KHDRBS2: variants seen among roughly 807,000 people sequenced by gnomAD.
KHDRBS2 encodes the protein KH RNA binding domain containing, signal transduction associated 2.
A neutral mutation model predicts 44.3 loss-of-function variants in KHDRBS2; 26 were observed. That is an observed-to-expected ratio of 0.59 (90% CI 0.43 to 0.81). The LOEUF is 0.81. Ranked by LOEUF, KHDRBS2 falls within the 40% of genes least tolerant of loss-of-function variation. KHDRBS2 has a pLI of 0.00. For synonymous variants in KHDRBS2, 194 were observed against 151.1 expected (o/e 1.28, Z -2.08); for missense variants, 476 against 433.1 (o/e 1.10, Z -0.88).
chr6:61,884,588 G>T (rs1480760802), intron 6 of KHDRBS2, among the ~76,000 whole-genome samples: 1 of 151,968 alleles, frequency 6.6e-6, no homozygotes. Flanking sequence ...TACATAAGCA[G>T]ATTTTTATGT....
the KHDRBS2 span, among the ~76,000 whole-genome samples, chr6:61,670,331 G>A: frequency 3.3e-5 from 5 of 151,388 alleles, no homozygotes; most frequent in East Asian, 9.8e-4. Context: ...AGGTTATCAG[G>A]TGATAAAAGG....
chr6:61,690,424 C>A (rs898270478), intron 8 of KHDRBS2, among the ~76,000 whole-genome samples: 1 of 151,936 alleles, frequency 6.6e-6, no homozygotes, highest in Non-Finnish European at 1.5e-5. Flanking sequence ...GTGCCATTAA[C>A]TCAGCAGAAA....
chr6:62,093,044 T>A (rs1483127860), intron 2 of KHDRBS2, among the ~76,000 whole-genome samples: 1 of 152,006 alleles, frequency 6.6e-6, no homozygotes, highest in Non-Finnish European at 1.5e-5. Flanking sequence ...ATTTTGTGTA[T>A]CTTTATTAAT....
chr6:62,145,536 C>A (rs1279495574), intron 2 of KHDRBS2, among the ~76,000 whole-genome samples: 1 of 135,892 alleles, frequency 7.4e-6, no homozygotes, highest in African/African-American at 2.7e-5. Context: ...TGCTCTTGGA[C>A]CAATGTGATG....
At chr6:61,684,492 G>C (rs942619210) in intron 8 of KHDRBS2, among the ~76,000 whole-genome samples, 3 of 151,796 alleles carry the variant, frequency 2.0e-5, no homozygotes, top group African/African-American at 7.2e-5. Context: ...TAGACAAGCA[G>C]ATTCTAAATA....
intron 2 of KHDRBS2, among the ~76,000 whole-genome samples, chr6:62,103,320 G>C (rs1035097338): frequency 2.6e-5 from 4 of 152,164 alleles, no homozygotes; most frequent in Non-Finnish European, 5.9e-5. Context: ...AAGGGGAACA[G>C]CCTTCAGCCC....
chr6:61,592,383 A>G, the KHDRBS2 span, among the ~76,000 whole-genome samples: 1 of 152,142 alleles, frequency 6.6e-6, no homozygotes, highest in South Asian at 2.1e-4. Context: ...ATGGGAGAGA[A>G]GGAGAAACAA....
chr6:62,106,574 T>C (rs1332640127), intron 2 of KHDRBS2, among the ~76,000 whole-genome samples: 1 of 152,058 alleles, frequency 6.6e-6, no homozygotes, highest in Non-Finnish European at 1.5e-5. Context: ...TTCCATTCAA[T>C]AGAAAAAGAG....
intron 6 of KHDRBS2, among the ~76,000 whole-genome samples, chr6:61,794,140 C>A (rs181340882): frequency 6.6e-6 from 1 of 152,218 alleles, no homozygotes; most frequent in African/African-American, 2.4e-5. Flanking sequence ...AAACTGAAAT[C>A]TTTATAGTAC....
intron 2 of KHDRBS2, among the ~76,000 whole-genome samples, chr6:62,129,847 A>C (rs530541618): frequency 1.3e-5 from 2 of 152,258 alleles, no homozygotes; most frequent in African/African-American, 4.8e-5. Flanking sequence ...GTATTCTAGA[A>C]TTTTAAGAAA....
intron 2 of KHDRBS2, among the ~76,000 whole-genome samples, chr6:62,135,361 C>T (rs116536798): frequency 0.017 from 2,556 of 152,248 alleles, 55 homozygotes; most frequent in African/African-American, 0.054. Context: ...CTGTGAAGTC[C>T]ATTAAACCTC....
intron 4 of KHDRBS2, among the ~76,000 whole-genome samples, chr6:61,922,728 A>G (rs889993997): frequency 1.3e-5 from 2 of 152,134 alleles, no homozygotes; most frequent in African/African-American, 4.8e-5. Flanking sequence ...AATTATCTCT[A>G]TATTAAACAG....
intron 4 of KHDRBS2, among the ~76,000 whole-genome samples, chr6:61,967,192 C>G (rs867200297): frequency 3.9e-5 from 4 of 101,800 alleles, no homozygotes; most frequent in Middle Eastern, 0.011. Context: ...GGATTTCTTT[C>G]CACTATGTTT....
intron 4 of KHDRBS2, among the ~76,000 whole-genome samples, chr6:61,926,736 C>T (rs1320205910): frequency 6.6e-6 from 1 of 152,092 alleles, no homozygotes; most frequent in African/African-American, 2.4e-5. Flanking sequence ...GTTTGAAACT[C>T]AGGAGATAAT....
At chr6:62,101,632 G>A (rs544611372) in intron 2 of KHDRBS2, among the ~76,000 whole-genome samples, 1 of 152,306 alleles carries the variant, frequency 6.6e-6, no homozygotes, top group East Asian at 1.9e-4. Flanking sequence ...TATACTGAGT[G>A]ATGGATATGG....
At chr6:62,263,311 C>G (rs1838667606) in intron 1 of KHDRBS2, among the ~76,000 whole-genome samples, 1 of 149,400 alleles carries the variant, frequency 6.7e-6, no homozygotes, top group African/African-American at 2.5e-5. Flanking sequence ...TTAAAAAACA[C>G]AGTGGTATTT....
chr6:62,112,545 TGAG>T (rs1805255035), intron 2 of KHDRBS2, among the ~76,000 whole-genome samples: 1 of 152,038 alleles, frequency 6.6e-6, no homozygotes, highest in South Asian at 2.1e-4. Flanking sequence ...TGAGTTCCCA[TGAG>T]GAGAATAAAA....
intron 1 of KHDRBS2, among the ~76,000 whole-genome samples, chr6:62,218,894 T>C (rs1161075427): frequency 6.6e-6 from 1 of 151,938 alleles, no homozygotes; most frequent in Non-Finnish European, 1.5e-5. Context: ...GATGCCATTA[T>C]CTTAAGTGAA....
chr6:61,601,145 C>A, the KHDRBS2 span, among the ~76,000 whole-genome samples: 3 of 152,088 alleles, frequency 2.0e-5, no homozygotes, highest in Non-Finnish European at 4.4e-5. Flanking sequence ...ACATTGCAGC[C>A]CAGGGCTGCT....
Sources: gnomAD v4.1 joint callset for allele counts (sites outside exome capture counted in the v4.1 genomes callset) on GRCh38, gnomAD v4.1.1 for gene constraint, MANE v1.5 for transcripts, NCBI Gene and HGNC (gene_info 2026-07-23, HGNC 2026-07-21) for gene names.